The following RASAL2 variants were observed in gnomAD, a reference collection of about 807,000 sequenced individuals.
RASAL2 encodes the protein RAS protein activator like 2.
RASAL2 carries 58 observed loss-of-function variants against 128.9 expected under a neutral mutation model. The ratio of observed to expected loss-of-function variants is 0.45; its 90% CI spans 0.36 to 0.56. The LOEUF is 0.56. Among genes scored for constraint, RASAL2 ranks in the 20% least tolerant of loss-of-function variants. The pLI is 0.00. For missense variants in RASAL2, 1,360 were observed against 1,601.6 expected (o/e 0.85, Z 2.57); for synonymous variants, 561 against 580.8 (o/e 0.97, Z 0.49).
Position 178,167,420 on chromosome 1 carries a change from A to C in RASAL2, c.202+72726A>C, listed in dbSNP as rs1406421695. On this transcript the variant is annotated intron_variant, in intron 1 of 17. Transcript: ENST00000367649. Reference sequence around the variant, plus strand: ...GTGCTTACTTTTCAGATAATGAATCAAAATAATAAAATTTCAGTTACTTAA... The same window carrying C: ...GTGCTTACTTTTCAGATAATGAATCCAAATAATAAAATTTCAGTTACTTAA... Among the ~76,000 whole-genome samples, 4 of 152,122 alleles carry C rather than the reference A, an allele frequency of 2.6e-5. No individual in the cohort carries two copies. In the South Asian group the frequency reaches 6.2e-4, roughly 24 times the overall value.
intron 1 of RASAL2, among the ~76,000 whole-genome samples, chr1:178,136,754 C>G (rs1232355056): frequency 2.9e-5 from 1 of 34,204 alleles, no homozygotes; most frequent in African/African-American, 1.9e-4. Flanking sequence ...GAGACTCTGT[C>G]TCAAAAAAAA....
At chr1:178,409,152 G>C (rs558891222) in intron 4 of RASAL2, among the ~76,000 whole-genome samples, 1 of 152,280 alleles carries the variant, frequency 6.6e-6, no homozygotes, top group South Asian at 2.1e-4. Flanking sequence ...TTGCATCATG[G>C]GAGAGGATTT....
chr1:178,303,120 G>T (rs1171284308), intron 3 of RASAL2, among the ~76,000 whole-genome samples: 1 of 152,098 alleles, frequency 6.6e-6, no homozygotes, highest in Admixed American at 6.5e-5. Flanking sequence ...AGGACATTTG[G>T]TGTGACATTT....
At chr1:178,115,565 C>T (rs1659494895) in intron 1 of RASAL2, among the ~76,000 whole-genome samples, 1 of 152,180 alleles carries the variant, frequency 6.6e-6, no homozygotes, top group Non-Finnish European at 1.5e-5. Context: ...TGTTAGCCAG[C>T]ATGGCAGCTT....
At chr1:178,198,097 C>T (rs964715884) in intron 1 of RASAL2, among the ~76,000 whole-genome samples, 1 of 152,168 alleles carries the variant, frequency 6.6e-6, no homozygotes. Context: ...TCCAGTCTAT[C>T]ATTGATGGAC....
At position 178,206,692 on chromosome 1, in the gene RASAL2, A is replaced by G. The variant is rs140491292; in HGVS notation, c.203-76872A>G. 1.8e-3 allele frequency among the ~76,000 whole-genome samples: 267 copies of G among 152,338 alleles called. 2 individuals are homozygous for G. Among genetic ancestry groups the G allele is most frequent in the South Asian group, 3.9e-3 (19 of 4,820 alleles). On this transcript the variant is annotated intron_variant, in intron 1 of 17. Coordinates refer to ENST00000367649, the MANE Select transcript of RASAL2 (RefSeq NM_170692.4). The stretch of plus-strand genomic sequence containing the variant: ...GTCCCTTGAACCAGTAATTTTAACA[A>G]TATACCTGAGAAAAGTAAAGATTTG...
chr1:178,458,649 C>T, intron 14 of RASAL2, 105 bp downstream of exon 14: 2 of 1,432,090 alleles, frequency 1.4e-6, no homozygotes, highest in Non-Finnish European at 1.9e-6. Context: ...AAGATTTCCT[C>T]TTAAAAGCAA....
At chr1:178,237,727 A>G (rs1161955029) in intron 1 of RASAL2, among the ~76,000 whole-genome samples, 1 of 152,218 alleles carries the variant, frequency 6.6e-6, no homozygotes, top group Non-Finnish European at 1.5e-5. Context: ...TAGCATGCAC[A>G]TACCAAAAAA....
At chr1:178,157,737 A>G (rs899067835) in intron 1 of RASAL2, among the ~76,000 whole-genome samples, 4 of 152,174 alleles carry the variant, frequency 2.6e-5, no homozygotes, top group East Asian at 1.9e-4. Flanking sequence ...ACTTGCGTAC[A>G]TTCACCCTTC....
chr1:178,327,676 C>T (rs1000735678), intron 3 of RASAL2, among the ~76,000 whole-genome samples: 3 of 152,098 alleles, frequency 2.0e-5, no homozygotes, highest in African/African-American at 7.2e-5. Flanking sequence ...AATCAGAAAG[C>T]ATAATTGGCA....
At chr1:178,131,095 C>A (rs1660095798) in intron 1 of RASAL2, among the ~76,000 whole-genome samples, 1 of 150,684 alleles carries the variant, frequency 6.6e-6, no homozygotes, top group Non-Finnish European at 1.5e-5. Flanking sequence ...CAAAAAAAAA[C>A]ATGTGTTATT....
chr1:178,280,010 G>C (rs1205017266), intron 1 of RASAL2, among the ~76,000 whole-genome samples: 1 of 152,142 alleles, frequency 6.6e-6, no homozygotes, highest in Non-Finnish European at 1.5e-5. Flanking sequence ...GGTGAAAGAT[G>C]CACTCAAAGG....
At chr1:178,385,917 CA>C (rs1672541350) in intron 3 of RASAL2, among the ~76,000 whole-genome samples, 1 of 152,204 alleles carries the variant, frequency 6.6e-6, no homozygotes, top group Non-Finnish European at 1.5e-5. Context: ...CTCACCTTTG[CA>C]GTGCAACTAC....
intron 1 of RASAL2, among the ~76,000 whole-genome samples, chr1:178,122,694 T>G (rs1659758949): frequency 6.6e-6 from 1 of 151,912 alleles, no homozygotes; most frequent in Admixed American, 6.6e-5. Context: ...AAAGTTTTTG[T>G]TTTTTTTGAA....
At chr1:178,319,213 G>T (rs1213436324) in intron 3 of RASAL2, among the ~76,000 whole-genome samples, 1 of 151,890 alleles carries the variant, frequency 6.6e-6, no homozygotes, top group East Asian at 1.9e-4. Context: ...CTTTTTCTCT[G>T]GCTGCCCTTA....
intron 14 of RASAL2, among the ~76,000 whole-genome samples, chr1:178,459,528 C>T (rs1336827623): frequency 6.6e-6 from 1 of 152,114 alleles, no homozygotes; most frequent in Non-Finnish European, 1.5e-5. Flanking sequence ...GGCAGGGAGA[C>T]TGCAATAAAA....
intron 1 of RASAL2, among the ~76,000 whole-genome samples, chr1:178,204,802 C>T (rs1203914107): frequency 1.3e-5 from 2 of 152,082 alleles, no homozygotes; most frequent in Admixed American, 6.5e-5. Flanking sequence ...CATCATTTGC[C>T]ACTTAATTTC....
intron 3 of RASAL2, among the ~76,000 whole-genome samples, chr1:178,373,449 A>G (rs886744391): frequency 6.6e-6 from 1 of 151,770 alleles, no homozygotes; most frequent in East Asian, 1.9e-4. Flanking sequence ...TCTGAAGCCT[A>G]TCTCATTCTA....
At chr1:178,393,912 AATGTCCCTAGTCAAATGGAATATTAAAT>A (rs1673065092) in intron 4 of RASAL2, among the ~76,000 whole-genome samples, 1 of 152,358 alleles carries the variant, frequency 6.6e-6, no homozygotes, top group Admixed American at 6.5e-5. Context: ...TATTACTGAT[AATGTCCCTAGTCAAATGGAATATTAAAT>A]ATGTAATTAC....
Sources: gnomAD v4.1 joint callset for allele counts (sites outside exome capture counted in the v4.1 genomes callset) on GRCh38, gnomAD v4.1.1 for gene constraint, MANE v1.5 for transcripts, NCBI Gene and HGNC (gene_info 2026-07-23, HGNC 2026-07-21) for gene names.